Variants in LARGE1 observed in about 807,000 individuals in gnomAD.
LARGE1 encodes LARGE xylosyl- and glucuronyltransferase 1, also known as xylosyl- and glucuronyltransferase LARGE1.
LARGE1 carries 43 observed loss-of-function variants against 87.6 expected under a neutral mutation model. The ratio of observed to expected loss-of-function variants is 0.49; its 90% CI spans 0.38 to 0.63. The LOEUF is 0.63. Ranked by LOEUF, LARGE1 falls within the 30% of genes least tolerant of loss-of-function variation. The probability of loss-of-function intolerance (pLI) is 0.00; values close to 1 mark genes in which losing one functional copy is unlikely to be tolerated. For missense variants in LARGE1, 802 were observed against 1,000.2 expected (o/e 0.80, Z 2.67); for synonymous variants, 434 against 394.6 (o/e 1.10, Z -1.18).
rs893061836 is a variant in LARGE1 at position 33,496,286 on chromosome 22, C to G, written c.788-64021G>C. ...AGTCCACTGACTCAAATGTTAATCT[C>G]CTTTGGCAACACCCTCATAGACACA... is the stretch of plus-strand genomic sequence containing the variant. On this transcript the variant is annotated intron_variant, in intron 6 of 14. Transcript: ENST00000397394. Among the ~76,000 whole-genome samples the G allele has an allele frequency of 8.5e-4, 130 of 152,278 alleles. 1 individual carries two copies. Among genetic ancestry groups the G allele is most frequent in the African/African-American group, 3.1e-3 (129 of 41,570 alleles).
chr22:33,820,824 G>T (rs958974776), intron 1 of LARGE1, among the ~76,000 whole-genome samples: 1 of 152,008 alleles, frequency 6.6e-6, no homozygotes, highest in African/African-American at 2.4e-5. Context: ...TCTAGTCCTT[G>T]TCCCTGCTGC....
the LARGE1 span, among the ~76,000 whole-genome samples, chr22:33,095,000 T>A: frequency 6.6e-6 from 1 of 152,240 alleles, no homozygotes; most frequent in Admixed American, 6.5e-5. Flanking sequence ...ATTACAGGCA[T>A]GAGCCACCGC....
intron 9 of LARGE1, among the ~76,000 whole-genome samples, chr22:33,362,006 T>C (rs544766682): frequency 2.0e-5 from 3 of 149,370 alleles, no homozygotes; most frequent in Non-Finnish European, 3.0e-5. Flanking sequence ...TAATGGTCCA[T>C]CAAAGGCTCA....
chr22:33,342,165 G>T (rs1182612815), intron 9 of LARGE1, among the ~76,000 whole-genome samples: 1 of 152,208 alleles, frequency 6.6e-6, no homozygotes, highest in Non-Finnish European at 1.5e-5. Flanking sequence ...GTGGGCTGGT[G>T]TCACTCACAC....
the LARGE1 span, among the ~76,000 whole-genome samples, chr22:33,131,973 C>A: frequency 6.6e-6 from 1 of 151,744 alleles, no homozygotes; most frequent in East Asian, 2.0e-4. Flanking sequence ...CAGAAAAACT[C>A]CCGTTTTTAA....
intron 6 of LARGE1, among the ~76,000 whole-genome samples, chr22:33,499,004 T>TA (rs954845868): frequency 1.5e-4 from 22 of 151,468 alleles, no homozygotes; most frequent in African/African-American, 4.6e-4. Flanking sequence ...ACAAAAAATT[T>TA]AAAAAAAAAT....
chr22:33,768,047 C>T lies in LARGE1; in HGVS notation c.-82-6489G>A, dbSNP rs551700757. 3.6e-3 allele frequency among the ~76,000 whole-genome samples: 541 copies of T among 152,296 alleles called. 5 individuals are homozygous for T. The highest frequency in any genetic ancestry group is 3.3e-3 in the Non-Finnish European group (222 of 68,026). ...CCTATAGGCCGGGCGTGGTGGCTGACGCCTGTAATCCCAACACTTTGGGAG... is the reference window on the plus strand; with the variant it reads ...CCTATAGGCCGGGCGTGGTGGCTGATGCCTGTAATCCCAACACTTTGGGAG... On this transcript the variant is annotated intron_variant, in intron 1 of 14. Transcript: ENST00000397394.
intron 2 of LARGE1, among the ~76,000 whole-genome samples, chr22:33,701,651 A>C (rs548343572): frequency 9.2e-5 from 14 of 152,304 alleles, no homozygotes; most frequent in African/African-American, 3.1e-4. Context: ...AAGGCCAAAA[A>C]CGGGGACACA....
chr22:33,400,580 A>G (rs1014358052), intron 7 of LARGE1, among the ~76,000 whole-genome samples: 1 of 152,206 alleles, frequency 6.6e-6, no homozygotes, highest in Admixed American at 6.5e-5. Context: ...GCACACGATG[A>G]TGTCTCATTT....
At chr22:33,339,708 T>C (rs1012973834) in intron 9 of LARGE1, among the ~76,000 whole-genome samples, 2 of 152,192 alleles carry the variant, frequency 1.3e-5, no homozygotes, top group African/African-American at 4.8e-5. Flanking sequence ...TTTATTTGTT[T>C]ATGACATGGT....
chr22:33,670,369 C>T (rs1331198556), intron 2 of LARGE1, among the ~76,000 whole-genome samples: 4 of 151,664 alleles, frequency 2.6e-5, no homozygotes, highest in South Asian at 2.1e-4. Context: ...GGAAAAACTT[C>T]GAGGACTCAT....
chr22:33,095,113 C>G, the LARGE1 span, among the ~76,000 whole-genome samples: 1 of 152,250 alleles, frequency 6.6e-6, no homozygotes, highest in Admixed American at 6.5e-5. Context: ...ATGCATCTCT[C>G]TCCTCCACGG....
At chr22:33,108,394 C>T in the LARGE1 span, 2 of 152,100 alleles carry the variant, frequency 1.3e-5, no homozygotes, top group Non-Finnish European at 1.5e-5. Flanking sequence ...CCCAGTGACC[C>T]CAGGGCATAG....
At chr22:33,419,295 C>T (rs2066610419) in intron 7 of LARGE1, among the ~76,000 whole-genome samples, 1 of 151,890 alleles carries the variant, frequency 6.6e-6, no homozygotes, top group Admixed American at 6.6e-5. Context: ...ATGGGGATTA[C>T]AATTCAAGAT....
intron 1 of LARGE1, among the ~76,000 whole-genome samples, chr22:33,857,351 AG>A (rs2063784821): frequency 6.6e-6 from 1 of 152,258 alleles, no homozygotes; most frequent in African/African-American, 2.4e-5. Context: ...TTTGATACCC[AG>A]ACAGCTGGGA....
chr22:33,869,481 G>A (rs535943978), intron 1 of LARGE1, among the ~76,000 whole-genome samples: 3 of 152,250 alleles, frequency 2.0e-5, no homozygotes, highest in South Asian at 2.1e-4. Context: ...ATCTGGATGC[G>A]CCTCTGGCTT....
chr22:33,314,805 T>A (rs1935978494), intron 11 of LARGE1, among the ~76,000 whole-genome samples: 1 of 152,032 alleles, frequency 6.6e-6, no homozygotes, highest in African/African-American at 2.4e-5. Context: ...TCTGACAAGG[T>A]GGGAAGGGGC....
At chr22:33,074,263 C>T in the LARGE1 span, among the ~76,000 whole-genome samples, 4 of 152,260 alleles carry the variant, frequency 2.6e-5, no homozygotes, top group East Asian at 7.7e-4. Flanking sequence ...TCCACTCATT[C>T]ATACATTGTT....
intron 11 of LARGE1, among the ~76,000 whole-genome samples, chr22:33,314,523 G>T (rs1341963293): frequency 6.6e-6 from 1 of 152,156 alleles, no homozygotes; most frequent in Non-Finnish European, 1.5e-5. Flanking sequence ...CCATTCTTCA[G>T]TCATTCATGA....
Sources: allele counts gnomAD v4.1 joint callset (sites outside exome capture counted in the v4.1 genomes callset), GRCh38; gene constraint gnomAD v4.1.1; transcripts MANE v1.5; gene names NCBI Gene and HGNC (gene_info 2026-07-23, HGNC 2026-07-21).